The following CSTPP1 variants were observed in gnomAD, a reference collection of about 807,000 sequenced individuals.
CSTPP1 encodes the protein UPF0705 protein C11orf49.
At chr11:46,947,100 A>G in the CSTPP1 span, among the ~76,000 whole-genome samples, 1 of 152,196 alleles carries the variant, frequency 6.6e-6, no homozygotes, top group Admixed American at 6.5e-5. Context: ...CTTGGTTGAT[A>G]CCATAGTTTC....
chr11:47,066,347 G>A, the CSTPP1 span, among the ~76,000 whole-genome samples: 1 of 151,936 alleles, frequency 6.6e-6, no homozygotes, highest in Admixed American at 6.5e-5. Flanking sequence ...ATGTCTGCAT[G>A]GATTTTCTCT....
At chr11:47,023,212 A>T in the CSTPP1 span, 1 of 152,248 alleles carries the variant, frequency 6.6e-6, no homozygotes, top group Non-Finnish European at 1.5e-5. Flanking sequence ...CTATGAATAT[A>T]CATAGTGGAT....
the CSTPP1 span, among the ~76,000 whole-genome samples, chr11:46,986,634 A>G: frequency 6.6e-6 from 1 of 152,096 alleles, no homozygotes; most frequent in East Asian, 1.9e-4. Flanking sequence ...GCATCTGGCT[A>G]ATTTTTGTAT....
At chr11:47,015,915 A>G in the CSTPP1 span, among the ~76,000 whole-genome samples, 2 of 152,320 alleles carry the variant, frequency 1.3e-5, no homozygotes, top group South Asian at 4.1e-4. Context: ...TAAATAGAGA[A>G]AAAGCATTTT....
the CSTPP1 span, chr11:47,041,060 G>T: frequency 5.5e-6 from 1 of 182,888 alleles, no homozygotes; most frequent in South Asian, 6.1e-5. Context: ...TCCATAAAGA[G>T]GGCTGAGAAG....
chr11:46,944,561 A>T, the CSTPP1 span, among the ~76,000 whole-genome samples: 1 of 152,100 alleles, frequency 6.6e-6, no homozygotes, highest in Non-Finnish European at 1.5e-5. Context: ...CTGAGGTCAC[A>T]CTTTCCACAG....
chr11:47,039,030 C>T, the CSTPP1 span, among the ~76,000 whole-genome samples: 6 of 121,940 alleles, frequency 4.9e-5, no homozygotes, highest in Admixed American at 8.7e-5. Context: ...GGATGGCGGC[C>T]GGGCAGAGAC....
chr11:47,156,684 C>T, the CSTPP1 span, among the ~76,000 whole-genome samples: 3 of 151,882 alleles, frequency 2.0e-5, no homozygotes, highest in Non-Finnish European at 4.4e-5. Context: ...AGCAAGGAGA[C>T]AGATTAGACA....
chr11:47,144,980 A>T, the CSTPP1 span, among the ~76,000 whole-genome samples: 70 of 92,896 alleles, frequency 7.5e-4, no homozygotes, highest in Admixed American at 2.1e-3. Context: ...ATTGCCTGCC[A>T]TTTTTTTTTT....
the CSTPP1 span, among the ~76,000 whole-genome samples, chr11:46,943,390 C>G: frequency 2.2e-4 from 34 of 152,220 alleles, no homozygotes; most frequent in African/African-American, 8.2e-4. Flanking sequence ...CATGGTTAAA[C>G]TCTATGCTAT....
At chr11:46,966,276 C>T in the CSTPP1 span, among the ~76,000 whole-genome samples, 1 of 152,076 alleles carries the variant, frequency 6.6e-6, no homozygotes, top group Non-Finnish European at 1.5e-5. Flanking sequence ...CTCTTGACCT[C>T]GTGATCTGCC....
At chr11:47,130,793 CG>C in the CSTPP1 span, 3 of 152,264 alleles carry the variant, frequency 2.0e-5, no homozygotes, top group East Asian at 5.8e-4. Context: ...CATGTCCTTC[CG>C]AGCATCTCTT....
At chr11:47,086,641 T>G in the CSTPP1 span, among the ~76,000 whole-genome samples, 1 of 152,196 alleles carries the variant, frequency 6.6e-6, no homozygotes, top group Non-Finnish European at 1.5e-5. Flanking sequence ...ACCCTGGCTC[T>G]TTTACTTCTT....
the CSTPP1 span, among the ~76,000 whole-genome samples, chr11:47,139,162 G>GTTAC: frequency 6.6e-6 from 1 of 152,086 alleles, no homozygotes; most frequent in African/African-American, 2.4e-5. Context: ...TGTAAAAACT[G>GTTAC]TTACTTCCCT....
At chr11:47,095,895 G>A in the CSTPP1 span, among the ~76,000 whole-genome samples, 31 of 152,108 alleles carry the variant, frequency 2.0e-4, no homozygotes, top group Non-Finnish European at 2.9e-5. Flanking sequence ...TCGAGTAATT[G>A]TAGATGGACA....
chr11:47,045,875 C>G, the CSTPP1 span, among the ~76,000 whole-genome samples: 1 of 152,008 alleles, frequency 6.6e-6, no homozygotes, highest in Non-Finnish European at 1.5e-5. Context: ...CAACCTCCGT[C>G]CCCCGGGTTT....
At chr11:47,029,803 T>C in the CSTPP1 span, among the ~76,000 whole-genome samples, 1 of 148,860 alleles carries the variant, frequency 6.7e-6, no homozygotes, top group African/African-American at 2.5e-5. Flanking sequence ...TAGGATTCCT[T>C]GAAAAAAAAA....
the CSTPP1 span, among the ~76,000 whole-genome samples, chr11:47,055,847 A>G: frequency 6.6e-6 from 1 of 152,232 alleles, no homozygotes; most frequent in African/African-American, 2.4e-5. Flanking sequence ...CATTTCCCTT[A>G]CAGAATAAAT....
At chr11:46,982,158 C>T in the CSTPP1 span, among the ~76,000 whole-genome samples, 3 of 151,534 alleles carry the variant, frequency 2.0e-5, no homozygotes. Flanking sequence ...TAATTTAGTT[C>T]AGCAAACATT....
Sources: gnomAD v4.1 joint callset for allele counts (sites outside exome capture counted in the v4.1 genomes callset) on GRCh38, gnomAD v4.1.1 for gene constraint, MANE v1.5 for transcripts, NCBI Gene and HGNC (gene_info 2026-07-23, HGNC 2026-07-21) for gene names.